DACH2: variants seen among roughly 807,000 people sequenced by gnomAD.
The protein encoded by DACH2 is dachshund homolog 2.
In DACH2, 17 loss-of-function variants were observed where a neutral mutation model predicts 35.8. That is an observed-to-expected ratio of 0.48 (90% CI 0.33 to 0.71). DACH2 has a LOEUF of 0.71. DACH2 is among the 30% of genes least tolerant of loss of function. The pLI, the probability that DACH2 is intolerant of heterozygous loss-of-function variation, is 0.02. For synonymous variants in DACH2, 195 were observed against 177.3 expected, an observed-to-expected ratio of 1.10 and a Z score of -0.79; for missense variants, 469 against 472.7, an observed-to-expected ratio of 0.99 and a Z score of 0.07.
At chrX:86,546,394 T>TCTTCTTCTTCCTCTTCTTCTTCTTC (rs2038965155) in intron 3 of DACH2, among the ~76,000 whole-genome samples, 1 of 76,946 alleles carries the variant, frequency 1.3e-5, no homozygotes, top group African/African-American at 5.8e-5. Context: ...TTCTTCTTCT[T>TCTTCTTCTTCCTCTTCTTCTTCTTC]CTTCTTCTTC....
chrX:86,549,927 C>T (rs1484219046), intron 3 of DACH2, among the ~76,000 whole-genome samples: 1 of 111,537 alleles, frequency 9.0e-6, no homozygotes, highest in Non-Finnish European at 1.9e-5. Flanking sequence ...TAGATTTATA[C>T]TCATAATGTA....
In DACH2 at chrX:86,201,422, T is replaced by C. The variant is rs72633136; in HGVS notation, c.488+52314T>C. ...TACCTATATGACAATCATGCACATGTACCCCTGAACTTAAACATTAAAAAA... is the reference window on the plus strand; with the variant it reads ...TACCTATATGACAATCATGCACATGCACCCCTGAACTTAAACATTAAAAAA... On this transcript the variant is annotated intron_variant, in intron 1 of 11. Coordinates refer to ENST00000373125, the MANE Select transcript of DACH2 (RefSeq NM_053281.3). Among the ~76,000 whole-genome samples the C allele has an allele frequency of 0.021, 2,275 of 110,811 alleles. 145 individuals carry two copies. The East Asian group carries it at 0.28, about 13-fold the overall frequency.
chrX:86,386,359 T>A lies in DACH2; in HGVS notation c.527+9497T>A, dbSNP rs1225697606. On this transcript the variant is annotated intron_variant, in intron 2 of 11. Transcript: ENST00000373125. ...AAGGGTATATACTATTGTTTTTTAT[T>A]ACTGTTGAGATTGACCTTGATCACG... is the stretch of plus-strand genomic sequence containing the variant. Among the ~76,000 whole-genome samples, 3 of 111,731 alleles carry A rather than the reference T, an allele frequency of 2.7e-5. No individual in the cohort carries two copies. The Admixed American group carries it at 2.9e-4, about 11-fold the overall frequency.
intron 1 of DACH2, among the ~76,000 whole-genome samples, chrX:86,208,949 AC>A (rs1268937973): frequency 9.0e-6 from 1 of 111,497 alleles, no homozygotes; most frequent in Non-Finnish European, 1.9e-5. Context: ...ATAGGGCCAA[AC>A]AAAGCATTTC....
At chrX:86,527,385 G>A (rs1049478864) in intron 3 of DACH2, among the ~76,000 whole-genome samples, 28 of 111,177 alleles carry the variant, frequency 2.5e-4, no homozygotes, top group African/African-American at 9.2e-4. Flanking sequence ...CCACTGATCT[G>A]TATTCTGTCA....
intron 1 of DACH2, among the ~76,000 whole-genome samples, chrX:86,349,532 G>C (rs762183216): frequency 1.8e-5 from 2 of 112,305 alleles, no homozygotes; most frequent in African/African-American, 6.5e-5. Context: ...TGGAGCCCTC[G>C]CCAGGGACCG....
intron 1 of DACH2, among the ~76,000 whole-genome samples, chrX:86,274,521 A>AT (rs2033879017): frequency 1.6e-5 from 1 of 64,247 alleles, no homozygotes; most frequent in Non-Finnish European, 2.7e-5. Context: ...TTTGAGACGG[A>AT]TCTCGCTCTG....
intron 5 of DACH2, among the ~76,000 whole-genome samples, chrX:86,703,837 C>T (rs763096087): frequency 9.0e-6 from 1 of 111,658 alleles, no homozygotes; most frequent in Non-Finnish European, 1.9e-5. Context: ...AAAAACATTC[C>T]ATGCTCATGG....
intron 1 of DACH2, among the ~76,000 whole-genome samples, chrX:86,322,040 G>T: frequency 9.0e-6 from 1 of 110,499 alleles, no homozygotes; most frequent in South Asian, 3.9e-4. Context: ...AAGCACTGGG[G>T]CACTTAGGAG....
intron 1 of DACH2, among the ~76,000 whole-genome samples, chrX:86,303,939 G>A (rs1019863324): frequency 9.0e-6 from 1 of 111,294 alleles, no homozygotes; most frequent in African/African-American, 3.3e-5. Context: ...ACAATCTTGA[G>A]TAGAACAAAG....
chrX:86,263,788 G>A (rs957492022), intron 1 of DACH2, among the ~76,000 whole-genome samples: 2 of 111,812 alleles, frequency 1.8e-5, no homozygotes, highest in Non-Finnish European at 3.8e-5. Context: ...TATTCACTAA[G>A]TACAAATCAA....
chrX:86,215,421 C>T (rs1414798783), intron 1 of DACH2, among the ~76,000 whole-genome samples: 2 of 111,445 alleles, frequency 1.8e-5, no homozygotes, highest in Admixed American at 9.6e-5. Context: ...AGCCATAGCT[C>T]GTCATATATA....
intron 5 of DACH2, among the ~76,000 whole-genome samples, chrX:86,703,660 A>G (rs1314307206): frequency 9.0e-6 from 1 of 111,600 alleles, no homozygotes; most frequent in Non-Finnish European, 1.9e-5. Context: ...CAAGAATGCA[A>G]TCCCATTTAG....
intron 1 of DACH2, among the ~76,000 whole-genome samples, chrX:86,340,425 A>G (rs972408172): frequency 1.8e-5 from 2 of 111,449 alleles, no homozygotes; most frequent in African/African-American, 6.5e-5. Flanking sequence ...GTAAATGGCA[A>G]ACTTAATCGC....
At chrX:86,795,045 A>C (rs1471711837) in intron 7 of DACH2, among the ~76,000 whole-genome samples, 1 of 111,110 alleles carries the variant, frequency 9.0e-6, no homozygotes, top group Non-Finnish European at 1.9e-5. Context: ...TGCCATGTTA[A>C]AAATACAGTA....
intron 1 of DACH2, among the ~76,000 whole-genome samples, chrX:86,349,784 C>A (rs2035562186): frequency 9.0e-6 from 1 of 110,924 alleles, no homozygotes; most frequent in Admixed American, 9.5e-5. Flanking sequence ...TTTAATTTTT[C>A]TGTGATTCTT....
chrX:86,159,112 G>A (rs1341359404), intron 1 of DACH2, among the ~76,000 whole-genome samples: 1 of 110,661 alleles, frequency 9.0e-6, no homozygotes, highest in Non-Finnish European at 1.9e-5. Flanking sequence ...TATAAAACAT[G>A]CAACTGTGGA....
chrX:86,345,652 T>A (rs1259016723), intron 1 of DACH2, among the ~76,000 whole-genome samples: 2 of 112,284 alleles, frequency 1.8e-5, no homozygotes, highest in Non-Finnish European at 3.8e-5. Flanking sequence ...ATTTATCAAA[T>A]TTTTTAGTAA....
chrX:86,173,776 T>G (rs757617922), intron 1 of DACH2, among the ~76,000 whole-genome samples: 28 of 112,186 alleles, frequency 2.5e-4, no homozygotes, highest in African/African-American at 8.7e-4. Context: ...AGGATCTGAC[T>G]TAGATTTTGA....
Sources: allele counts gnomAD v4.1 joint callset (sites outside exome capture counted in the v4.1 genomes callset), GRCh38; gene constraint gnomAD v4.1.1; transcripts MANE v1.5; gene names NCBI Gene and HGNC (gene_info 2026-07-23, HGNC 2026-07-21).